The following ZCCHC7 variants were observed in gnomAD, a reference collection of about 807,000 sequenced individuals.
ZCCHC7 encodes zinc finger CCHC domain-containing protein 7.
ZCCHC7 carries 35 observed loss-of-function variants against 52.0 expected under a neutral mutation model. The observed-to-expected ratio is 0.67, with a 90% CI of 0.51 to 0.89. The LOEUF (loss-of-function observed/expected upper bound fraction) is 0.89, where lower values mean the gene tolerates loss of function less well. Among genes scored for constraint, ZCCHC7 ranks in the 40% least tolerant of loss-of-function variants. The pLI, the probability that ZCCHC7 is intolerant of heterozygous loss-of-function variation, is 0.00. For synonymous variants in ZCCHC7, 217 were observed against 221.5 expected (o/e 0.98, Z 0.18); for missense variants, 574 against 649.1 (o/e 0.88, Z 1.26).
chr9:37,175,529 C>T (rs1170583500), intron 2 of ZCCHC7, among the ~76,000 whole-genome samples: 1 of 152,042 alleles, frequency 6.6e-6, no homozygotes, highest in Admixed American at 6.6e-5. Flanking sequence ...CATGGTGATA[C>T]CCTTCCTCCA....
At chr9:37,205,181 GT>G in intron 2 of ZCCHC7, 1 of 376,926 alleles carries the variant, frequency 2.7e-6, no homozygotes. Context: ...TAACTGGTTT[GT>G]TTACAACAAT....
intron 6 of ZCCHC7, among the ~76,000 whole-genome samples, chr9:37,338,548 A>G (rs1588692548): frequency 6.6e-6 from 1 of 152,294 alleles, no homozygotes; most frequent in East Asian, 1.9e-4. Context: ...AAAGAGAAGT[A>G]GGGAGGAAGT....
At chr9:37,310,731 C>T (rs1204845759) in intron 5 of ZCCHC7, among the ~76,000 whole-genome samples, 1 of 151,852 alleles carries the variant, frequency 6.6e-6, no homozygotes, top group Non-Finnish European at 1.5e-5. Context: ...CTCTAATAAG[C>T]AACTTTAATA....
At chr9:37,287,753 C>A (rs546923684) in intron 2 of ZCCHC7, among the ~76,000 whole-genome samples, 27 of 151,970 alleles carry the variant, frequency 1.8e-4, no homozygotes, top group Non-Finnish European at 3.7e-4. Flanking sequence ...ATTATAGGTA[C>A]ATTTATGTAG....
At chr9:37,166,742 G>A (rs1438761313) in intron 2 of ZCCHC7, among the ~76,000 whole-genome samples, 1 of 151,918 alleles carries the variant, frequency 6.6e-6, no homozygotes, top group East Asian at 1.9e-4. Flanking sequence ...GCTATGTTGT[G>A]TCTTTATTTT....
chr9:37,198,931 G>C (rs1358562411), intron 2 of ZCCHC7, among the ~76,000 whole-genome samples: 3 of 152,016 alleles, frequency 2.0e-5, no homozygotes, highest in Non-Finnish European at 4.4e-5. Context: ...TATTTTCCTT[G>C]CTCTTTGAAA....
At chr9:37,259,123 C>A (rs1030692895) in intron 2 of ZCCHC7, among the ~76,000 whole-genome samples, 4 of 152,114 alleles carry the variant, frequency 2.6e-5, no homozygotes, top group African/African-American at 9.7e-5. Context: ...GCTGGTTATA[C>A]AATTTGTGGG....
Position 37,277,406 on chromosome 9 carries a change from T to C in ZCCHC7, c.611-24782T>C, listed in dbSNP as rs544082261. The stretch of plus-strand genomic sequence containing the variant: ...CGTATTATCCCAGCATTTAGGGCTG[T>C]TCAGACAGGAAGATTGCTTGAGGCC... On this transcript the variant is annotated intron_variant, in intron 2 of 8. Coordinates refer to ENST00000336755, the MANE Select transcript of ZCCHC7 (RefSeq NM_032226.3). 2.0e-5 allele frequency among the ~76,000 whole-genome samples: 3 copies of C among 152,160 alleles called. No individual in the cohort carries two copies. In the East Asian group the frequency reaches 5.8e-4, roughly 29 times the overall value.
intron 2 of ZCCHC7, among the ~76,000 whole-genome samples, chr9:37,253,736 G>A (rs551019759): frequency 6.6e-6 from 1 of 152,020 alleles, no homozygotes; most frequent in African/African-American, 2.4e-5. Flanking sequence ...GTTATCACAT[G>A]TCATCACAAC....
At chr9:37,131,822 T>C (rs1388906389) in intron 2 of ZCCHC7, among the ~76,000 whole-genome samples, 1 of 152,216 alleles carries the variant, frequency 6.6e-6, no homozygotes, top group African/African-American at 2.4e-5. Context: ...CCATTGAGAC[T>C]GTATATACGT....
intron 2 of ZCCHC7, among the ~76,000 whole-genome samples, chr9:37,212,939 TC>T (rs34163862): frequency 6.6e-6 from 1 of 152,204 alleles, no homozygotes; most frequent in African/African-American, 2.4e-5. Context: ...TATGTAAGTT[TC>T]CCTGGTTGAT....
chr9:37,300,614 C>G (rs999909266), intron 2 of ZCCHC7, among the ~76,000 whole-genome samples: 2 of 152,218 alleles, frequency 1.3e-5, no homozygotes, highest in Non-Finnish European at 2.9e-5. Context: ...TAGACACTTA[C>G]TCCTGGTAGG....
chr9:37,157,903 C>G (rs1245896514), intron 2 of ZCCHC7, among the ~76,000 whole-genome samples: 2 of 152,222 alleles, frequency 1.3e-5, no homozygotes, highest in Non-Finnish European at 2.9e-5. Context: ...AAAACTAAAA[C>G]TAGAACTACT....
At chr9:37,246,919 A>G (rs1826103136) in intron 2 of ZCCHC7, among the ~76,000 whole-genome samples, 1 of 152,174 alleles carries the variant, frequency 6.6e-6, no homozygotes, top group Non-Finnish European at 1.5e-5. Flanking sequence ...ATTACCTCAC[A>G]TACCTGTTTT....
At chr9:37,264,504 C>G (rs1453879907) in intron 2 of ZCCHC7, among the ~76,000 whole-genome samples, 1 of 151,890 alleles carries the variant, frequency 6.6e-6, no homozygotes, top group Non-Finnish European at 1.5e-5. Context: ...TTTATGTATC[C>G]CACTGCCTTT....
At chr9:37,276,275 T>C (rs1045487297) in intron 2 of ZCCHC7, among the ~76,000 whole-genome samples, 2 of 152,250 alleles carry the variant, frequency 1.3e-5, no homozygotes, top group Non-Finnish European at 2.9e-5. Context: ...GTTCTTTATA[T>C]GTTGGACAGA....
At chr9:37,295,196 G>C (rs145021111) in intron 2 of ZCCHC7, among the ~76,000 whole-genome samples, 1 of 152,164 alleles carries the variant, frequency 6.6e-6, no homozygotes, top group Non-Finnish European at 1.5e-5. Flanking sequence ...GGATGAATTG[G>C]GGGTGAATTC....
At chr9:37,350,874 G>A (rs1002991824) in intron 7 of ZCCHC7, among the ~76,000 whole-genome samples, 1 of 152,234 alleles carries the variant, frequency 6.6e-6, no homozygotes, top group African/African-American at 2.4e-5. Context: ...TCTCCAGGTA[G>A]GCTTCTAGTA....
intron 5 of ZCCHC7, among the ~76,000 whole-genome samples, chr9:37,312,064 G>A (rs1484788704): frequency 1.3e-5 from 2 of 152,136 alleles, no homozygotes; most frequent in African/African-American, 4.8e-5. Flanking sequence ...ACTCCAAGGA[G>A]CACTGAGTAG....
Sources: gnomAD v4.1 joint callset for allele counts (sites outside exome capture counted in the v4.1 genomes callset) on GRCh38, gnomAD v4.1.1 for gene constraint, MANE v1.5 for transcripts, NCBI Gene and HGNC (gene_info 2026-07-23, HGNC 2026-07-21) for gene names.